Variants in FRMD8 observed in about 807,000 individuals in gnomAD.
FRMD8 encodes FERM domain-containing protein 8.
A neutral mutation model predicts 54.2 loss-of-function variants in FRMD8; 37 were observed. That is an observed-to-expected ratio of 0.68 (90% confidence interval 0.53 to 0.90). The LOEUF (loss-of-function observed/expected upper bound fraction) is 0.90. Among genes scored for constraint, FRMD8 ranks in the 40% least tolerant of loss-of-function variants. The pLI is 0.00. For missense variants in FRMD8, 585 were observed against 653.7 expected (o/e 0.89, Z 1.15); for synonymous variants, 246 against 286.9 (o/e 0.86, Z 1.44).
At chr11:65,371,808 G>A in the FRMD8 span, among the ~76,000 whole-genome samples, 7 of 152,082 alleles carry the variant, frequency 4.6e-5, no homozygotes, top group South Asian at 4.1e-4. Context: ...TAGAGACGGC[G>A]TTTCACTGTG....
Position 65,401,763 on chromosome 11 carries a change from C to T in FRMD8, c.1071+896C>T, listed in dbSNP as rs535003452. Among the ~76,000 whole-genome samples the T allele has an allele frequency of 2.0e-5, 3 of 151,642 alleles. No homozygotes were observed. The South Asian group carries it at 6.3e-4, about 32-fold the overall frequency. On this transcript the variant is annotated intron_variant, in intron 9 of 10. Transcript: ENST00000317568. ...GGCCCCCCTCGAGGGCACTCCTCTCCCTGCCTCATGGCTTTGAACTCCAAG... is the reference window on the plus strand; with the variant it reads ...GGCCCCCCTCGAGGGCACTCCTCTCTCTGCCTCATGGCTTTGAACTCCAAG...
At chr11:65,377,935 G>A in the FRMD8 span, 6 of 152,494 alleles carry the variant, frequency 3.9e-5, no homozygotes, top group African/African-American at 1.4e-4. Flanking sequence ...CAGTTCCTCA[G>A]CCCTGGAGAT....
At chr11:65,391,491 CTTAAT>C (rs1014351575) in intron 3 of FRMD8, among the ~76,000 whole-genome samples, 8 of 152,204 alleles carry the variant, frequency 5.3e-5, no homozygotes, top group African/African-American at 1.9e-4. Flanking sequence ...CCTGGTGGAA[CTTAAT>C]TTAACTTAAT....
chr11:65,407,228 C>CATTT (rs66771671), intron 10 of FRMD8, among the ~76,000 whole-genome samples: 32 of 147,206 alleles, frequency 2.2e-4, no homozygotes, highest in African/African-American at 7.0e-4. Context: ...CAAAGATCTA[C>CATTT]ATTTATTTAT....
At chr11:65,389,336 T>G in intron 2 of FRMD8, 25 bp from the exon 3 acceptor site, 1 of 1,606,356 alleles carries the variant, frequency 6.2e-7, no homozygotes, top group Non-Finnish European at 8.5e-7. Flanking sequence ...AGGCCTCAGC[T>G]GAGCCTGCCT....
chr11:65,389,428 G>T lies in FRMD8; in HGVS notation c.153G>T (p.Ser51=). 1 of 1,610,272 alleles carries T rather than the reference G, an allele frequency of 6.2e-7. No individual in the cohort carries two copies. Among genetic ancestry groups the T allele is most frequent in the South Asian group, 1.1e-5 (1 of 91,080 alleles). ...VVPLAVENLP[S]LSAHELHRAV... ...CCCTGGCTGTGGAGAACCTGCCCTCGCTCAGTGCCCATGAGCTGCACCGCG... is the reference window on the plus strand; with the variant it reads ...CCCTGGCTGTGGAGAACCTGCCCTCTCTCAGTGCCCATGAGCTGCACCGCG... The change falls in exon 3 of 11, where the codon TCG becomes TCT. Residue 51 remains serine, a synonymous_variant. Transcript: ENST00000317568.
intron 2 of FRMD8, among the ~76,000 whole-genome samples, chr11:65,388,366 C>T (rs190090821): frequency 6.6e-6 from 1 of 152,288 alleles, no homozygotes; most frequent in Admixed American, 6.5e-5. Context: ...CTGAGAGTAG[C>T]TGCTGGAGCA....
intron 6 of FRMD8, among the ~76,000 whole-genome samples, chr11:65,394,963 G>A (rs906969028): frequency 3.3e-5 from 5 of 152,214 alleles, no homozygotes; most frequent in African/African-American, 4.8e-5. Context: ...TTCCAGTGAA[G>A]GGGCCGGACG....
At chr11:65,392,816 G>C (rs1673551261) in intron 3 of FRMD8, among the ~76,000 whole-genome samples, 1 of 152,116 alleles carries the variant, frequency 6.6e-6, no homozygotes, top group Non-Finnish European at 1.5e-5. Flanking sequence ...TTTTGAGGAG[G>C]GGCTGCCTTA....
the FRMD8 span, chr11:65,368,185 C>T: frequency 6.6e-6 from 1 of 150,670 alleles, no homozygotes; most frequent in Admixed American, 6.6e-5. Context: ...AAGCGATTCT[C>T]CTGCCTCAGC....
At chr11:65,402,938 C>G (rs1033598294) in intron 9 of FRMD8, among the ~76,000 whole-genome samples, 5 of 151,962 alleles carry the variant, frequency 3.3e-5, no homozygotes, top group African/African-American at 1.2e-4. Context: ...CTTGCTCTGT[C>G]ACCGAGGCTG....
the FRMD8 span, chr11:65,368,069 G>GTTTTTTTTTTTTTTTTTTTTTTTT: frequency 2.6e-5 from 1 of 38,026 alleles, no homozygotes; most frequent in African/African-American, 7.6e-5. Flanking sequence ...TTTTTTTGGT[G>GTTTTTTTTTTTTTTTTTTTTTTTT]TTTTTTTTTT....
At position 65,404,144 on chromosome 11, in the gene FRMD8, C is replaced by T. The variant is rs1856138446; in HGVS notation, c.1072-720C>T. 6.6e-6 allele frequency among the ~76,000 whole-genome samples: 1 copy of T among 152,204 alleles called. No homozygotes were observed. The highest frequency in any genetic ancestry group is 2.4e-5 in the African/African-American group (1 of 41,446). ...TCCGCAGGGCCACTCCAGCATCTGA[C>T]CCAGCCCCACCAGTCAGGAGCACAG... is the stretch of plus-strand genomic sequence containing the variant. On this transcript the variant is annotated intron_variant, in intron 9 of 10. Coordinates refer to ENST00000317568, the MANE Select transcript of FRMD8 (RefSeq NM_031904.5). This position sits in a 1 kb window ranked among gnomAD's most constrained non-coding sequence, Gnocchi z 4.7.
the FRMD8 span, chr11:65,378,332 A>G: frequency 2.0e-5 from 3 of 152,032 alleles, no homozygotes; most frequent in African/African-American, 7.3e-5. Flanking sequence ...ACTAAAACAC[A>G]TTTTTCCTTT....
intron 6 of FRMD8, among the ~76,000 whole-genome samples, chr11:65,396,302 C>G (rs1031019719): frequency 2.0e-5 from 3 of 152,158 alleles, no homozygotes; most frequent in Non-Finnish European, 4.4e-5. Context: ...GGCCCGGGTT[C>G]CTGTTCCTGG....
upstream of FRMD8, chr11:65,382,241 T>C (rs536771393): frequency 4.9e-5 from 25 of 505,406 alleles, no homozygotes; most frequent in Middle Eastern, 5.5e-4. The surrounding 1 kb of genome is among the most constrained non-coding windows in gnomAD (Gnocchi z 4.4). Flanking sequence ...GCTCTGAGGA[T>C]GGCAACTGGG....
At chr11:65,374,342 A>G in the FRMD8 span, among the ~76,000 whole-genome samples, 2 of 149,400 alleles carry the variant, frequency 1.3e-5, no homozygotes, top group African/African-American at 4.9e-5. Context: ...CCATGTGCCC[A>G]GGTGGAGCAG....
chr11:65,394,102 G>A lies in FRMD8; in HGVS notation c.414+3G>A. Reference sequence around the variant, plus strand: ...TCCCAAAGCGGCGGGAGCTCCAGGTGAGGCAGGAGCCCTGGTGGCCCCACC... The same window carrying A: ...TCCCAAAGCGGCGGGAGCTCCAGGTAAGGCAGGAGCCCTGGTGGCCCCACC... On this transcript the variant is annotated splice_donor_region_variant and intron_variant, in intron 5 of 10. Coordinates refer to ENST00000317568, the MANE Select transcript of FRMD8 (RefSeq NM_031904.5). 6.2e-7 allele frequency: 1 copy of A among 1,613,692 alleles called. No homozygotes were observed. The highest frequency in any genetic ancestry group is 8.5e-7 in the Non-Finnish European group (1 of 1,179,744).
rs372405452 is a variant in FRMD8 at position 65,388,972 on chromosome 11, A to C, written c.86-389A>C. The stretch of plus-strand genomic sequence containing the variant: ...TTCAGCCTCTCTGTGCTGTAGTTTC[A>C]CATCTGTGGCATGTTCTTGTTCAGG... On this transcript the variant is annotated intron_variant, in intron 2 of 10. Transcript: ENST00000317568. 2.4e-4 allele frequency among the ~76,000 whole-genome samples: 37 copies of C among 152,110 alleles called. No individual in the cohort carries two copies. In the East Asian group the frequency reaches 5.6e-3, roughly 23 times the overall value.
Sources: gnomAD v4.1 joint callset for allele counts (sites outside exome capture counted in the v4.1 genomes callset) on GRCh38, gnomAD v4.1.1 for gene constraint, Gnocchi (gnomAD v3.1) non-coding constraint, MANE v1.5 for transcripts, NCBI Gene and HGNC (gene_info 2026-07-23, HGNC 2026-07-21) for gene names.